SLC44A5: variants seen among roughly 807,000 people sequenced by gnomAD.
SLC44A5 encodes choline transporter-like protein 5.
In SLC44A5, 57 loss-of-function variants were observed where a neutral mutation model predicts 101.8. That is an observed-to-expected ratio of 0.56 (90% CI 0.45 to 0.70). The LOEUF (loss-of-function observed/expected upper bound fraction) is 0.70, where lower values mean the gene tolerates loss of function less well. Ranked by LOEUF, SLC44A5 falls within the 30% of genes least tolerant of loss-of-function variation. SLC44A5 has a pLI of 0.00. For missense variants in SLC44A5, 737 were observed against 853.1 expected (o/e 0.86, Z 1.70); for synonymous variants, 281 against 290.9 (o/e 0.97, Z 0.35).
intron 2 of SLC44A5, among the ~76,000 whole-genome samples, chr1:75,514,966 TTGAAC>T (rs1190582571): frequency 6.6e-6 from 1 of 152,224 alleles, no homozygotes; most frequent in Non-Finnish European, 1.5e-5. Context: ...AGTAATTTTA[TTGAAC>T]TATATTAGGA....
chr1:75,454,304 T>C (rs1666067461), intron 2 of SLC44A5, among the ~76,000 whole-genome samples: 1 of 152,038 alleles, frequency 6.6e-6, no homozygotes, highest in African/African-American at 2.4e-5. Context: ...AAATAACATA[T>C]GGTCATCTCA....
chr1:75,614,897 C>G (rs543234652), upstream of SLC44A5, among the ~76,000 whole-genome samples: 16 of 152,238 alleles, frequency 1.1e-4, no homozygotes, highest in Admixed American at 3.9e-4. Context: ...TAGGGCTCTG[C>G]GAGTCCCCCA....
chr1:75,209,586 G>A (rs1054370806), intron 23 of SLC44A5, among the ~76,000 whole-genome samples: 2 of 152,188 alleles, frequency 1.3e-5, no homozygotes, highest in Non-Finnish European at 2.9e-5. Context: ...ACCAGAGGAA[G>A]AGCTAACTAG....
intron 2 of SLC44A5, among the ~76,000 whole-genome samples, chr1:75,482,405 A>C (rs1410802268): frequency 2.6e-5 from 4 of 152,256 alleles, no homozygotes; most frequent in Non-Finnish European, 1.5e-5. Context: ...ATGTACCCTA[A>C]AACTTAAAGT....
chr1:75,247,933 G>T (rs917571948), intron 7 of SLC44A5, among the ~76,000 whole-genome samples: 1 of 151,930 alleles, frequency 6.6e-6, no homozygotes, highest in East Asian at 1.9e-4. Context: ...AAATAAAAGA[G>T]GCACAGAGAT....
chr1:75,305,670 C>T (rs1358198222), intron 4 of SLC44A5, among the ~76,000 whole-genome samples: 1 of 152,186 alleles, frequency 6.6e-6, no homozygotes, highest in Non-Finnish European at 1.5e-5. Context: ...ACTCCCCCTC[C>T]TGGGATAACC....
chr1:75,551,525 C>A (rs1481375776), intron 1 of SLC44A5, among the ~76,000 whole-genome samples: 1 of 152,080 alleles, frequency 6.6e-6, no homozygotes, highest in Non-Finnish European at 1.5e-5. Flanking sequence ...GTCTACTTGG[C>A]AGTTAACTTC....
intron 2 of SLC44A5, among the ~76,000 whole-genome samples, chr1:75,444,483 GAAGA>G (rs369997923): frequency 0.027 from 3,734 of 140,714 alleles, 73 homozygotes; most frequent in African/African-American, 0.056. Context: ...GAGAAAGAAA[GAAGA>G]AAGAAAGAAA....
At chr1:75,608,764 C>T (rs1296719945) in intron 1 of SLC44A5, among the ~76,000 whole-genome samples, 1 of 151,806 alleles carries the variant, frequency 6.6e-6, no homozygotes, top group East Asian at 1.9e-4. Context: ...AAGTCTCCTC[C>T]CCTTCCACTG....
intron 4 of SLC44A5, among the ~76,000 whole-genome samples, chr1:75,326,654 G>A (rs1656621151): frequency 1.3e-5 from 2 of 152,138 alleles, no homozygotes; most frequent in African/African-American, 4.8e-5. Flanking sequence ...TTATGTACAA[G>A]CATTGTATTA....
At chr1:75,712,740 C>G in the SLC44A5 span, among the ~76,000 whole-genome samples, 4 of 129,758 alleles carry the variant, frequency 3.1e-5, no homozygotes, top group African/African-American at 1.1e-4. Context: ...AAATCAGGTA[C>G]CAAAAAATGC....
chr1:75,564,798 A>G (rs1054980435), intron 1 of SLC44A5, among the ~76,000 whole-genome samples: 2 of 151,836 alleles, frequency 1.3e-5, no homozygotes, highest in Non-Finnish European at 2.9e-5. Flanking sequence ...AATTTTTTGT[A>G]TTTTTAGCAG....
chr1:75,306,875 C>T (rs1654951662), intron 4 of SLC44A5, among the ~76,000 whole-genome samples: 1 of 151,540 alleles, frequency 6.6e-6, no homozygotes, highest in Non-Finnish European at 1.5e-5. Context: ...GCTGGGACTA[C>T]AGGCGCCCGC....
At chr1:75,496,526 G>C (rs1371556093) in intron 2 of SLC44A5, among the ~76,000 whole-genome samples, 6 of 150,302 alleles carry the variant, frequency 4.0e-5, no homozygotes, top group Non-Finnish European at 7.4e-5. Context: ...AAAACATAGG[G>C]AACAAGCTCT....
chr1:75,556,121 A>G lies in SLC44A5; in HGVS notation c.-69-14605T>C, dbSNP rs147323343. Among the ~76,000 whole-genome samples the G allele has an allele frequency of 5.9e-3, 891 of 152,228 alleles. 9 individuals are homozygous for G. Among genetic ancestry groups the G allele is most frequent in the African/African-American group, 0.02 (843 of 41,566 alleles). On this transcript the variant is annotated intron_variant, in intron 1 of 23. Transcript: ENST00000370859. The stretch of plus-strand genomic sequence containing the variant: ...TACAAAGGAGAATGAAGAAGTCATC[A>G]GAGGTGATGATATAGTTATTATTTT...
intron 2 of SLC44A5, among the ~76,000 whole-genome samples, chr1:75,476,697 G>C (rs537999095): frequency 3.3e-5 from 5 of 152,348 alleles, no homozygotes; most frequent in Admixed American, 6.5e-5. Context: ...CAAGGCTGCG[G>C]GAGGGGCGCC....
At chr1:75,247,767 T>C (rs1649235612) in intron 7 of SLC44A5, among the ~76,000 whole-genome samples, 1 of 152,092 alleles carries the variant, frequency 6.6e-6, no homozygotes, top group Admixed American at 6.6e-5. Flanking sequence ...TTAGATCAAG[T>C]AAATGTGGAT....
At chr1:75,578,289 T>A (rs1450051582) in intron 1 of SLC44A5, among the ~76,000 whole-genome samples, 1 of 152,118 alleles carries the variant, frequency 6.6e-6, no homozygotes, top group Admixed American at 6.5e-5. Flanking sequence ...TAAAATAATT[T>A]CACTCAAGCT....
At chr1:75,539,591 CA>C (rs35332749) in intron 2 of SLC44A5, among the ~76,000 whole-genome samples, 26,196 of 150,116 alleles carry the variant, frequency 0.17, 2,437 homozygotes, top group Admixed American at 0.24. Flanking sequence ...GTAAAAACTG[CA>C]AAAAAAAAAT....
Sources: allele counts gnomAD v4.1 joint callset (sites outside exome capture counted in the v4.1 genomes callset), GRCh38; gene constraint gnomAD v4.1.1; transcripts MANE v1.5; gene names NCBI Gene and HGNC (gene_info 2026-07-23, HGNC 2026-07-21).